Variants in MGST1 observed in about 807,000 individuals in gnomAD.
MGST1 encodes the protein microsomal glutathione S-transferase 1.
A neutral mutation model predicts 8.9 loss-of-function variants in MGST1; 5 were observed. The observed-to-expected ratio is 0.56, with a 90% CI of 0.29 to 1.19. MGST1 has a LOEUF of 1.19. Ranked by LOEUF, MGST1 falls within the 50% of genes most tolerant of loss-of-function variation. The pLI, the probability that MGST1 is intolerant of heterozygous loss-of-function variation, is 0.08. For missense variants in MGST1, 182 were observed against 187.4 expected (o/e 0.97, Z 0.17); for synonymous variants, 54 against 67.8 (o/e 0.80, Z 1.00).
intron 1 of MGST1, among the ~76,000 whole-genome samples, chr12:16,436,085 TACAAA>T (rs1940983574): frequency 6.6e-6 from 1 of 151,832 alleles, no homozygotes; most frequent in Non-Finnish European, 1.5e-5. Context: ...TCAGTGAAAC[TACAAA>T]CTCTGAGTTC....
At chr12:16,498,715 G>A (rs1941485772) in intron 4 of MGST1, among the ~76,000 whole-genome samples, 1 of 152,122 alleles carries the variant, frequency 6.6e-6, no homozygotes, top group Admixed American at 6.6e-5. Context: ...ATGATCAAAT[G>A]ATATGTTAGA....
intron 1 of MGST1, among the ~76,000 whole-genome samples, chr12:16,395,204 T>C (rs909770007): frequency 2.6e-5 from 4 of 152,014 alleles, no homozygotes; most frequent in African/African-American, 7.2e-5. Context: ...TTTTTATATA[T>C]ATATTAGAAG....
intron 4 of MGST1, among the ~76,000 whole-genome samples, chr12:16,515,047 C>T (rs760109191): frequency 2.0e-5 from 3 of 152,168 alleles, no homozygotes; most frequent in South Asian, 4.1e-4. Flanking sequence ...AAATAGCACA[C>T]ATTAGAGGCT....
Position 16,401,020 on chromosome 12 carries a change from C to T in MGST1, n.778+17416C>T. The T allele has an allele frequency of 3.2e-6, 5 of 1,568,926 alleles. No homozygotes were observed. Among genetic ancestry groups the T allele is most frequent in the Non-Finnish European group, 4.4e-6 (5 of 1,139,344 alleles). ...GTGCTCTTCACTTCTCTTCTGCAGT[C>T]ATTTCATTCCTGTTCTTTCTGTAAG... On this transcript the variant is annotated intron_variant and non_coding_transcript_variant, in intron 1 of 1. Transcript: ENST00000359720. The surrounding 1 kb of genome is among the most constrained non-coding windows in gnomAD (Gnocchi z 4.3).
intron 1 of MGST1, among the ~76,000 whole-genome samples, chr12:16,394,536 TTC>T (rs371485360): frequency 4.6e-4 from 34 of 73,762 alleles, no homozygotes; most frequent in East Asian, 1.5e-3. Context: ...CTTTCTTTCT[TTC>T]TTTCTTTCTT....
intron 4 of MGST1, among the ~76,000 whole-genome samples, chr12:16,506,544 C>T (rs1941538824): frequency 6.6e-6 from 1 of 152,084 alleles, no homozygotes; most frequent in South Asian, 2.1e-4. Flanking sequence ...GCAGCTCTAA[C>T]CTGTGGGATG....
chr12:16,437,752 A>AT (rs1555103254), exon 2 of MGST1: 1 of 152,036 alleles, frequency 6.6e-6, no homozygotes, highest in Non-Finnish European at 1.5e-5. Flanking sequence ...GAAAACAGGA[A>AT]TAAGTGACTG....
rs201300016 is a variant in MGST1 at position 16,426,046 on chromosome 12, T to C, written n.779-11342T>C. ...CCTTATGGACTCCTTGATTCCATTCTATTGTCTTGACCAGTAACCCTCCAC... is the reference window on the plus strand; with the variant it reads ...CCTTATGGACTCCTTGATTCCATTCCATTGTCTTGACCAGTAACCCTCCAC... On this transcript the variant is annotated intron_variant and non_coding_transcript_variant, in intron 1 of 1. Coordinates refer to the MGST1 transcript ENST00000359720. Among the ~76,000 whole-genome samples the C allele has an allele frequency of 1.9e-4, 29 of 152,330 alleles. No individual in the cohort carries two copies. The East Asian group carries it at 4.0e-3, about 21-fold the overall frequency.
chr12:16,374,262 T>C (rs1222936845), intron 3 of MGST1, among the ~76,000 whole-genome samples: 2 of 152,112 alleles, frequency 1.3e-5, no homozygotes, highest in African/African-American at 2.4e-5. Flanking sequence ...CTTTGTTTTT[T>C]CCTGGGACAT....
intron 1 of MGST1, among the ~76,000 whole-genome samples, chr12:16,422,188 G>C (rs570152178): frequency 5.8e-4 from 89 of 152,172 alleles, no homozygotes; most frequent in African/African-American, 2.0e-3. Flanking sequence ...TTCTTCTGTG[G>C]GACATGTGCT....
At chr12:16,408,753 T>C (rs1471707598) in intron 1 of MGST1, among the ~76,000 whole-genome samples, 2 of 152,178 alleles carry the variant, frequency 1.3e-5, no homozygotes, top group African/African-American at 4.8e-5. Flanking sequence ...TCTGATTTAA[T>C]ATTTGTTAAA....
At chr12:16,431,885 C>T (rs1940942280) in intron 1 of MGST1, among the ~76,000 whole-genome samples, 1 of 152,032 alleles carries the variant, frequency 6.6e-6, no homozygotes, top group African/African-American at 2.4e-5. Flanking sequence ...AAGTGAAGTG[C>T]AATAAAACAG....
At chr12:16,408,465 A>G (rs1448540379) in intron 1 of MGST1, among the ~76,000 whole-genome samples, 1 of 152,196 alleles carries the variant, frequency 6.6e-6, no homozygotes, top group Non-Finnish European at 1.5e-5. Flanking sequence ...TTCTCTCAGC[A>G]CATTCCAACT....
At chr12:16,473,510 A>C (rs573488948) in intron 4 of MGST1, among the ~76,000 whole-genome samples, 10 of 152,268 alleles carry the variant, frequency 6.6e-5, no homozygotes, top group Admixed American at 6.5e-4. Flanking sequence ...CTGTCAAAGA[A>C]ATACACTAGG....
At chr12:16,577,959 A>C (rs1333181861) in intron 4 of MGST1, among the ~76,000 whole-genome samples, 1 of 152,198 alleles carries the variant, frequency 6.6e-6, no homozygotes, top group East Asian at 1.9e-4. Flanking sequence ...ATTTGAGTTT[A>C]CCTGGGTATC....
intron 4 of MGST1, among the ~76,000 whole-genome samples, chr12:16,472,300 A>C (rs374520669): frequency 6.6e-6 from 1 of 152,216 alleles, no homozygotes; most frequent in African/African-American, 2.4e-5. Flanking sequence ...CTGTCAAATT[A>C]CAAGTACCAC....
chr12:16,493,390 A>C (rs1020710718), intron 4 of MGST1, among the ~76,000 whole-genome samples: 1 of 152,092 alleles, frequency 6.6e-6, no homozygotes, highest in Admixed American at 6.6e-5. Context: ...AACTGGTTAG[A>C]AATGCTCATT....
At position 16,545,640 on chromosome 12, in the gene MGST1, C is replaced by T. The variant is rs566235476; in HGVS notation, n.483-43888C>T. ...TTTTTACTTCAGTGTACCCTCACGTCGATGCTGACCACTCTTGTTTTCATT... is the reference window on the plus strand; with the variant it reads ...TTTTTACTTCAGTGTACCCTCACGTTGATGCTGACCACTCTTGTTTTCATT... On this transcript the variant is annotated intron_variant and non_coding_transcript_variant, in intron 4 of 4. Coordinates refer to the MGST1 transcript ENST00000538857. Among the ~76,000 whole-genome samples the T allele has an allele frequency of 3.9e-5, 6 of 152,100 alleles. No homozygotes were observed. The South Asian group carries it at 8.3e-4, about 21-fold the overall frequency.
At chr12:16,349,689 A>G (rs1298107037) in intron 1 of MGST1, among the ~76,000 whole-genome samples, 1 of 152,032 alleles carries the variant, frequency 6.6e-6, no homozygotes, top group African/African-American at 2.4e-5. Flanking sequence ...ACAGCGCCAA[A>G]GTCGGAAGTT....
Sources: gnomAD v4.1 joint callset for allele counts (sites outside exome capture counted in the v4.1 genomes callset) on GRCh38, gnomAD v4.1.1 for gene constraint, Gnocchi (gnomAD v3.1) non-coding constraint, MANE v1.5 for transcripts, NCBI Gene and HGNC (gene_info 2026-07-23, HGNC 2026-07-21) for gene names.